Variants in PDE8B observed in about 807,000 individuals in gnomAD.
PDE8B encodes high affinity cAMP-specific and IBMX-insensitive 3',5'-cyclic phosphodiesterase 8B.
A neutral mutation model predicts 101.3 loss-of-function variants in PDE8B; 26 were observed. That is an observed-to-expected ratio of 0.26 (90% confidence interval 0.19 to 0.36). The LOEUF is 0.36. PDE8B is among the 10% of genes least tolerant of loss of function. The pLI, the probability that PDE8B is intolerant of heterozygous loss-of-function variation, is 1.00. For synonymous variants in PDE8B, 424 were observed against 429.3 expected (o/e 0.99, Z 0.15); for missense variants, 810 against 1,163.1 (o/e 0.70, Z 4.42).
intron 14 of PDE8B, among the ~76,000 whole-genome samples, chr5:77,409,552 C>G (rs143336443): frequency 6.6e-6 from 1 of 152,166 alleles, no homozygotes; most frequent in Non-Finnish European, 1.5e-5. Context: ...TGGGGCTGTT[C>G]TGGCTCAGGG....
chr5:77,358,055 A>C (rs966516444), intron 10 of PDE8B, among the ~76,000 whole-genome samples: 18 of 151,384 alleles, frequency 1.2e-4, no homozygotes, highest in African/African-American at 4.4e-4. Context: ...CTCATCCCTT[A>C]CCTTTCTAGG....
intron 10 of PDE8B, among the ~76,000 whole-genome samples, chr5:77,393,858 G>A (rs573039571): frequency 7.3e-5 from 11 of 150,718 alleles, no homozygotes; most frequent in South Asian, 2.1e-4. Context: ...ACCAGAGGCC[G>A]GGAACCTTGT....
intron 1 of PDE8B, among the ~76,000 whole-genome samples, chr5:77,244,987 A>G (rs764104783): frequency 2.0e-5 from 3 of 152,234 alleles, no homozygotes; most frequent in Non-Finnish European, 4.4e-5. Context: ...TCACGCAGAC[A>G]TAGGCCACAG....
intron 2 of PDE8B, among the ~76,000 whole-genome samples, chr5:77,323,610 A>G (rs954104736): frequency 6.6e-5 from 10 of 152,132 alleles, no homozygotes; most frequent in African/African-American, 1.9e-4. Flanking sequence ...GGAGTACGTG[A>G]GTTTCATTAT....
the PDE8B span, among the ~76,000 whole-genome samples, chr5:77,124,330 C>G: frequency 6.6e-6 from 1 of 152,104 alleles, no homozygotes; most frequent in Non-Finnish European, 1.5e-5. Flanking sequence ...TGGTTCACAC[C>G]TGTAATACCA....
intron 10 of PDE8B, among the ~76,000 whole-genome samples, chr5:77,395,187 G>C (rs1166901385): frequency 1.3e-5 from 2 of 151,790 alleles, no homozygotes; most frequent in East Asian, 3.9e-4. Context: ...CGCGATCTCG[G>C]CACACTGCAA....
chr5:77,184,779 A>G, the PDE8B span, among the ~76,000 whole-genome samples: 3 of 152,194 alleles, frequency 2.0e-5, no homozygotes, highest in Non-Finnish European at 2.9e-5. Flanking sequence ...CAGAAGTTTA[A>G]GACCAGCTTA....
chr5:77,321,318 A>C (rs2150198475), intron 2 of PDE8B, among the ~76,000 whole-genome samples: 1 of 151,824 alleles, frequency 6.6e-6, no homozygotes, highest in East Asian at 1.9e-4. Flanking sequence ...CGCCTGGCTA[A>C]TTTTGTATTT....
intron 1 of PDE8B, among the ~76,000 whole-genome samples, chr5:77,292,943 A>G (rs529091521): frequency 6.6e-6 from 1 of 152,144 alleles, no homozygotes; most frequent in East Asian, 1.9e-4. Context: ...GGAAATGTTC[A>G]CTTAAATTGT....
intron 2 of PDE8B, among the ~76,000 whole-genome samples, chr5:77,319,670 A>G (rs1774592424): frequency 6.6e-6 from 1 of 152,216 alleles, no homozygotes; most frequent in South Asian, 2.1e-4. Flanking sequence ...ATCAACATAA[A>G]TGAGGACAGC....
chr5:77,424,819 G>GTT (rs912849753), intron 20 of PDE8B, among the ~76,000 whole-genome samples: 12,360 of 109,310 alleles, frequency 0.11, 580 homozygotes, highest in Non-Finnish European at 0.14. Context: ...CTGTTTTTTT[G>GTT]TTTTTTGTTT....
At chr5:77,311,249 A>G (rs1772538870) in intron 1 of PDE8B, among the ~76,000 whole-genome samples, 1 of 152,244 alleles carries the variant, frequency 6.6e-6, no homozygotes, top group African/African-American at 2.4e-5. Context: ...GTAATTAAAA[A>G]TAAAGACAAA....
At chr5:77,111,021 A>G in the PDE8B span, among the ~76,000 whole-genome samples, 5 of 152,242 alleles carry the variant, frequency 3.3e-5, no homozygotes, top group Non-Finnish European at 5.9e-5. Flanking sequence ...AAGGGCATCT[A>G]CAAAATATTT....
At chr5:77,133,146 A>G in the PDE8B span, among the ~76,000 whole-genome samples, 1 of 152,240 alleles carries the variant, frequency 6.6e-6, no homozygotes, top group Admixed American at 6.5e-5. Context: ...GATATTAGCA[A>G]GTATGTTGCA....
chr5:77,386,398 T>C (rs1215542495), intron 10 of PDE8B, among the ~76,000 whole-genome samples: 1 of 152,156 alleles, frequency 6.6e-6, no homozygotes, highest in Non-Finnish European at 1.5e-5. Context: ...CCCACTATTA[T>C]TGTGTGGGAG....
intron 1 of PDE8B, among the ~76,000 whole-genome samples, chr5:77,260,157 C>CAAAAAAAAAAAAAAAAAAAAAAAAAAAAA (rs66923234): frequency 9.9e-6 from 1 of 100,972 alleles, no homozygotes; most frequent in Non-Finnish European, 2.0e-5. Context: ...AACTCCATCA[C>CAAAAAAAAAAAAAAAAAAAAAAAAAAAAA]AAAAAAAAAA....
the PDE8B span, among the ~76,000 whole-genome samples, chr5:77,204,387 G>GGTT: frequency 2.0e-5 from 3 of 150,092 alleles, no homozygotes; most frequent in Non-Finnish European, 4.4e-5. Context: ...CTCAAGCCTG[G>GGTT]GTGACAGAAT....
the PDE8B span, among the ~76,000 whole-genome samples, chr5:77,176,606 G>A: frequency 0.012 from 1,782 of 152,230 alleles, 39 homozygotes; most frequent in African/African-American, 0.04. Flanking sequence ...AGAGGACACG[G>A]GCCCACACTG....
intron 10 of PDE8B, among the ~76,000 whole-genome samples, chr5:77,380,092 A>G (rs1452707506): frequency 6.6e-6 from 1 of 152,236 alleles, no homozygotes; most frequent in African/African-American, 2.4e-5. Context: ...CATCTTAACC[A>G]GGTTTTTTAC....
Sources: allele counts gnomAD v4.1 joint callset (sites outside exome capture counted in the v4.1 genomes callset), GRCh38; gene constraint gnomAD v4.1.1; transcripts MANE v1.5; gene names NCBI Gene and HGNC (gene_info 2026-07-23, HGNC 2026-07-21).